STON2: variants seen among roughly 807,000 people sequenced by gnomAD.
STON2 encodes stonin 2.
A neutral mutation model predicts 65.7 loss-of-function variants in STON2; 29 were observed. That is an observed-to-expected ratio of 0.44 (90% CI 0.33 to 0.60). STON2 has a LOEUF of 0.60. Among genes scored for constraint, STON2 ranks in the 20% least tolerant of loss-of-function variants. The pLI is 0.03. For synonymous variants in STON2, 404 were observed against 414.2 expected (o/e 0.98, Z 0.30); for missense variants, 1,054 against 1,118.1 (o/e 0.94, Z 0.82).
chr14:81,300,857 C>A (rs755019921), intron 5 of STON2, among the ~76,000 whole-genome samples: 1 of 152,078 alleles, frequency 6.6e-6, no homozygotes, highest in Non-Finnish European at 1.5e-5. Flanking sequence ...AAAAATATGT[C>A]TACAAATAGA....
intron 7 of STON2, chr14:81,269,729 T>G (rs541150196): frequency 3.6e-4 from 355 of 985,198 alleles, no homozygotes; most frequent in Non-Finnish European, 4.2e-4. Flanking sequence ...AGAAAACCAC[T>G]TTGCAAAATC....
chr14:81,373,362 A>G (rs188279606), intron 3 of STON2, among the ~76,000 whole-genome samples: 234 of 152,332 alleles, frequency 1.5e-3, no homozygotes, highest in Non-Finnish European at 2.6e-3. Context: ...GAAAAGATAA[A>G]AATTTTTTAT....
intron 5 of STON2, among the ~76,000 whole-genome samples, chr14:81,283,077 G>A (rs1895188164): frequency 6.6e-6 from 1 of 152,100 alleles, no homozygotes; most frequent in African/African-American, 2.4e-5. Context: ...CCAAACAAAA[G>A]CCATGTGTAA....
At chr14:81,422,712 A>T (rs1338347448) in intron 2 of STON2, among the ~76,000 whole-genome samples, 1 of 152,168 alleles carries the variant, frequency 6.6e-6, no homozygotes, top group African/African-American at 2.4e-5. Context: ...CAGTAAGTGC[A>T]CGGGTTTCTG....
At chr14:81,380,090 A>T (rs551044770) in intron 3 of STON2, among the ~76,000 whole-genome samples, 14 of 152,364 alleles carry the variant, frequency 9.2e-5, no homozygotes, top group African/African-American at 3.4e-4. Flanking sequence ...TTTGCAAACT[A>T]TGCATCTGAC....
chr14:81,416,802 A>G (rs1014822377), intron 2 of STON2, among the ~76,000 whole-genome samples: 2 of 152,182 alleles, frequency 1.3e-5, no homozygotes, highest in African/African-American at 4.8e-5. Flanking sequence ...GTTGTGACAT[A>G]AGGGTCTGGT....
chr14:81,320,651 C>G (rs898633407), intron 5 of STON2, among the ~76,000 whole-genome samples: 1 of 151,586 alleles, frequency 6.6e-6, no homozygotes, highest in Non-Finnish European at 1.5e-5. Flanking sequence ...GAAACTAAAG[C>G]GAAAGCAATC....
chr14:81,313,110 C>G (rs1035617475), intron 5 of STON2, among the ~76,000 whole-genome samples: 2 of 152,206 alleles, frequency 1.3e-5, no homozygotes, highest in Non-Finnish European at 2.9e-5. Flanking sequence ...TAATCTCCTT[C>G]CAGGGCCTGG....
intron 3 of STON2, among the ~76,000 whole-genome samples, chr14:81,380,969 T>C (rs1009166899): frequency 1.3e-5 from 2 of 151,930 alleles, no homozygotes; most frequent in Middle Eastern, 3.2e-3. Context: ...CCCTTGAATC[T>C]AAAATAAATG....
intron 5 of STON2, among the ~76,000 whole-genome samples, chr14:81,282,224 A>C (rs1895153171): frequency 6.6e-6 from 1 of 152,218 alleles, no homozygotes; most frequent in Non-Finnish European, 1.5e-5. Flanking sequence ...CATACCCTTA[A>C]AATGAAATTC....
chr14:81,379,882 T>C (rs1232177827), intron 3 of STON2, among the ~76,000 whole-genome samples: 2 of 152,090 alleles, frequency 1.3e-5, no homozygotes, highest in East Asian at 1.9e-4. Flanking sequence ...AACATGAAAC[T>C]ATAAAAACCC....
upstream of STON2, among the ~76,000 whole-genome samples, chr14:81,403,635 C>T (rs1029954307): frequency 1.3e-5 from 2 of 152,144 alleles, no homozygotes; most frequent in Non-Finnish European, 2.9e-5. Flanking sequence ...CCTAACCAGA[C>T]CCATGGTGTG....
chr14:81,329,004 T>C (rs368044353), intron 4 of STON2, among the ~76,000 whole-genome samples: 2 of 152,160 alleles, frequency 1.3e-5, no homozygotes, highest in East Asian at 3.8e-4. Context: ...GGTATCCCTC[T>C]ATAGCAACAC....
At chr14:81,357,837 A>T (rs1472183403) in intron 4 of STON2, among the ~76,000 whole-genome samples, 1 of 142,740 alleles carries the variant, frequency 7.0e-6, no homozygotes, top group East Asian at 2.1e-4. Flanking sequence ...GAATTGAACA[A>T]TGAGAACACG....
In STON2 at chr14:81,261,679, T is replaced by A; in HGVS notation, c.*6735A>T. 1.8e-6 allele frequency: 2 copies of A among 1,104,868 alleles called. No homozygotes were observed. The highest frequency in any genetic ancestry group is 2.4e-6 in the Non-Finnish European group (2 of 831,770). The allele number at this position is 1,104,868 out of a possible 1,614,324, so 68.4% of individuals were successfully genotyped here. On this transcript the variant is annotated 3_prime_UTR_variant, in exon 8 of 8. Coordinates refer to ENST00000614646, the MANE Select transcript of STON2 (RefSeq NM_001394390.1). Reference sequence around the variant, plus strand: ...ACAAATATATATATACCTCATTGATTATCCTATCATCCCCAGTACTTGGAG... The same window carrying A: ...ACAAATATATATATACCTCATTGATAATCCTATCATCCCCAGTACTTGGAG...
intron 2 of STON2, among the ~76,000 whole-genome samples, chr14:81,421,910 GACTGGGTA>G (rs1901723054): frequency 6.6e-6 from 1 of 152,194 alleles, no homozygotes; most frequent in Admixed American, 6.5e-5. Context: ...TGGGGATTTG[GACTGGGTA>G]ACTCAGAATA....
chr14:81,429,613 G>A lies in STON2; in HGVS notation c.-309-2401C>T, dbSNP rs148436730. ...AATTTAGGCAAAGATTAAATAGTCCGATGGCAGTCAAGAAAGGACAGCTTT... is the reference window on the plus strand; with the variant it reads ...AATTTAGGCAAAGATTAAATAGTCCAATGGCAGTCAAGAAAGGACAGCTTT... On this transcript the variant is annotated intron_variant, in intron 1 of 8. Transcript: ENST00000553821. Among the ~76,000 whole-genome samples the A allele has an allele frequency of 1.7e-4, 26 of 152,242 alleles. No individual in the cohort carries two copies. In the East Asian group the frequency reaches 2.5e-3, roughly 15 times the overall value.
chr14:81,337,936 T>C (rs1408680204), intron 4 of STON2, among the ~76,000 whole-genome samples: 2 of 151,734 alleles, frequency 1.3e-5, no homozygotes, highest in Non-Finnish European at 2.9e-5. Flanking sequence ...CCACCATAAA[T>C]AAAAAAAGAA....
intron 5 of STON2, among the ~76,000 whole-genome samples, chr14:81,289,344 C>T (rs1397410711): frequency 2.6e-5 from 4 of 152,002 alleles, no homozygotes; most frequent in East Asian, 1.9e-4. Context: ...AAAGGCTCAC[C>T]GTTGCAATAG....
Sources: gnomAD v4.1 joint callset for allele counts (sites outside exome capture counted in the v4.1 genomes callset) on GRCh38, gnomAD v4.1.1 for gene constraint, MANE v1.5 for transcripts, NCBI Gene and HGNC (gene_info 2026-07-23, HGNC 2026-07-21) for gene names.